Variants in SLC24A2 observed in about 807,000 individuals in gnomAD.
SLC24A2 encodes solute carrier family 24 member 2.
A neutral mutation model predicts 62.0 loss-of-function variants in SLC24A2; 36 were observed. The observed-to-expected ratio is 0.58, with a 90% CI of 0.44 to 0.77. The LOEUF is 0.77. SLC24A2 is among the 30% of genes least tolerant of loss of function. SLC24A2 has a pLI of 0.00. For missense variants in SLC24A2, 846 were observed against 817.9 expected, an observed-to-expected ratio of 1.03 and a Z score of -0.42; for synonymous variants, 358 against 294.0, an observed-to-expected ratio of 1.22 and a Z score of -2.23.
the SLC24A2 span, among the ~76,000 whole-genome samples, chr9:20,279,339 T>C: frequency 2.6e-5 from 4 of 152,108 alleles, no homozygotes; most frequent in African/African-American, 9.7e-5. Flanking sequence ...AAGACCAGCT[T>C]GTCCAACATG....
chr9:19,542,262 G>T (rs1475312092), intron 8 of SLC24A2, among the ~76,000 whole-genome samples: 1 of 152,202 alleles, frequency 6.6e-6, no homozygotes, highest in Admixed American at 6.5e-5. Flanking sequence ...TGGTGTATAT[G>T]AATGCTTGTG....
chr9:20,143,427 CTG>C, the SLC24A2 span, among the ~76,000 whole-genome samples: 1 of 152,210 alleles, frequency 6.6e-6, no homozygotes, highest in South Asian at 2.1e-4. Flanking sequence ...AAAAAATAGA[CTG>C]TTTTTCCTGC....
chr9:19,820,017 A>G, the SLC24A2 span, among the ~76,000 whole-genome samples: 53 of 98,744 alleles, frequency 5.4e-4, no homozygotes, highest in African/African-American at 1.6e-3. Context: ...GTGTATATAT[A>G]TATATATACA....
chr9:20,093,560 T>C, the SLC24A2 span, among the ~76,000 whole-genome samples: 1 of 152,210 alleles, frequency 6.6e-6, no homozygotes, highest in Non-Finnish European at 1.5e-5. Context: ...ATAAACTTTG[T>C]CTCTCAAAAT....
chr9:20,176,101 C>T, the SLC24A2 span, among the ~76,000 whole-genome samples: 15 of 152,028 alleles, frequency 9.9e-5, no homozygotes, highest in African/African-American at 3.1e-4. Flanking sequence ...CTTTTTCGTT[C>T]GTTCTTACCT....
At chr9:19,736,618 C>T (rs1286690942) in intron 2 of SLC24A2, among the ~76,000 whole-genome samples, 2 of 152,054 alleles carry the variant, frequency 1.3e-5, no homozygotes, top group African/African-American at 4.8e-5. Flanking sequence ...GTGGGGAGAT[C>T]ACTTGAGGCC....
chr9:19,971,696 C>T, the SLC24A2 span, among the ~76,000 whole-genome samples: 1 of 152,212 alleles, frequency 6.6e-6, no homozygotes, highest in East Asian at 1.9e-4. Flanking sequence ...GACACTTCTG[C>T]TGTGTGGGGA....
the SLC24A2 span, among the ~76,000 whole-genome samples, chr9:20,013,583 T>C: frequency 1.3e-5 from 2 of 152,102 alleles, no homozygotes; most frequent in African/African-American, 4.8e-5. Context: ...ACTAAAAAGC[T>C]TTTGCACAGT....
At chr9:19,991,268 T>A in the SLC24A2 span, among the ~76,000 whole-genome samples, 4 of 151,634 alleles carry the variant, frequency 2.6e-5, no homozygotes, top group East Asian at 7.8e-4. Context: ...AGTCCAAGAG[T>A]CCAAAAGCTG....
the SLC24A2 span, among the ~76,000 whole-genome samples, chr9:20,078,627 A>T: frequency 2.2e-4 from 34 of 152,010 alleles, no homozygotes; most frequent in Non-Finnish European, 4.3e-4. Context: ...GAACCATTCC[A>T]CCCACCTCCA....
chr9:19,997,153 T>C, the SLC24A2 span, among the ~76,000 whole-genome samples: 4 of 152,348 alleles, frequency 2.6e-5, no homozygotes, highest in African/African-American at 9.6e-5. Context: ...AAGAGAGATT[T>C]AGAACTTAGT....
In SLC24A2 at chr9:19,563,788, TATAATGAC is replaced by T. The variant is rs1302680645; in HGVS notation, c.1347+9555_1347+9562del. The stretch of plus-strand genomic sequence containing the variant: ...CATCTGTAACAAAACTGTTGGTTTT[TATAATGAC>T]CCTTCCTTCCTTCCTTCCTTCCTTC... On this transcript the variant is annotated intron_variant, in intron 7 of 10. Transcript: ENST00000341998. 8.8e-3 allele frequency among the ~76,000 whole-genome samples: 402 copies of T among 45,536 alleles called. 58 individuals are homozygous for T. Among genetic ancestry groups the T allele is most frequent in the East Asian group, 0.031 (16 of 512 alleles). The allele number at this position is 45,536 out of a possible 152,430, so 29.9% of individuals were successfully genotyped here.
At chr9:19,868,733 C>T in the SLC24A2 span, among the ~76,000 whole-genome samples, 1 of 152,244 alleles carries the variant, frequency 6.6e-6, no homozygotes, top group Admixed American at 6.5e-5. Flanking sequence ...CTGTTTGTCT[C>T]TAGCAATTGT....
At chr9:20,102,723 T>C in the SLC24A2 span, among the ~76,000 whole-genome samples, 1 of 150,436 alleles carries the variant, frequency 6.6e-6, no homozygotes, top group Admixed American at 6.6e-5. Flanking sequence ...GCAGCCAAGA[T>C]GGCCGAATAG....
the SLC24A2 span, among the ~76,000 whole-genome samples, chr9:19,904,901 T>A: frequency 1.3e-5 from 2 of 152,184 alleles, no homozygotes; most frequent in African/African-American, 4.8e-5. Context: ...CTGGCAGGAC[T>A]CTATTTACTT....
At chr9:20,082,375 T>C in the SLC24A2 span, among the ~76,000 whole-genome samples, 3 of 152,162 alleles carry the variant, frequency 2.0e-5, no homozygotes, top group East Asian at 3.9e-4. Context: ...ATGGAGAAAG[T>C]GTTTTGGAAG....
At chr9:20,115,167 G>C in the SLC24A2 span, among the ~76,000 whole-genome samples, 1 of 152,082 alleles carries the variant, frequency 6.6e-6, no homozygotes, top group Non-Finnish European at 1.5e-5. Context: ...GGGAAGGTGA[G>C]GGGCAGAATT....
the SLC24A2 span, among the ~76,000 whole-genome samples, chr9:20,017,015 A>G: frequency 1.3e-5 from 2 of 152,180 alleles, no homozygotes; most frequent in Non-Finnish European, 2.9e-5. Context: ...AATTAATCCT[A>G]CTTTTTATTT....
In SLC24A2 at chr9:19,511,362, C is replaced by T. The variant is rs566654734; in HGVS notation, c.*4791G>A. The stretch of plus-strand genomic sequence containing the variant: ...AATAGGGCAGGGTTACTTTTCTTAC[C>T]CAAGGTCTTCCTGAGATTATTTTTT... On this transcript the variant is annotated 3_prime_UTR_variant, in exon 11 of 11. Transcript: ENST00000341998. 1.2e-4 allele frequency: 19 copies of T among 152,072 alleles called. No individual in the cohort carries two copies. In the South Asian group the frequency reaches 2.7e-3, roughly 22 times the overall value. The allele number at this position is 152,072 out of a possible 1,614,324, so 9.4% of individuals were successfully genotyped here.
Sources: allele counts gnomAD v4.1 joint callset (sites outside exome capture counted in the v4.1 genomes callset), GRCh38; gene constraint gnomAD v4.1.1; transcripts MANE v1.5; gene names NCBI Gene and HGNC (gene_info 2026-07-23, HGNC 2026-07-21).